Variants in TMEM63A observed in about 807,000 individuals in gnomAD.
TMEM63A encodes transmembrane protein 63A.
In TMEM63A, 76 loss-of-function variants were observed where a neutral mutation model predicts 100.6. That is an observed-to-expected ratio of 0.76 (90% CI 0.63 to 0.91). The LOEUF is 0.91. TMEM63A is among the 40% of genes least tolerant of loss of function. TMEM63A has a pLI of 0.00. For synonymous variants in TMEM63A, 401 were observed against 401.1 expected, an observed-to-expected ratio of 1.00 and a Z score of 0.00; for missense variants, 876 against 1,008.8, an observed-to-expected ratio of 0.87 and a Z score of 1.78.
At chr1:225,866,287 A>T (rs182181385) in intron 9 of TMEM63A, 136 of 511,856 alleles carry the variant, frequency 2.7e-4, no homozygotes, top group African/African-American at 2.4e-3. Flanking sequence ...CAAGCCACAG[A>T]AGCTCCCCTC....
chr1:225,849,580 C>G (rs778571440), intron 21 of TMEM63A, among the ~76,000 whole-genome samples: 3 of 152,180 alleles, frequency 2.0e-5, no homozygotes, highest in Non-Finnish European at 2.9e-5. Flanking sequence ...GACAATTGAC[C>G]AGGCCTTCAC....
rs1669142860 is a variant in TMEM63A, at chr1:225,848,573, A to T, written c.2188-19T>A. On this transcript the variant is annotated intron_variant, in intron 22 of 24. Transcript: ENST00000366835. ...CTTCTGTCTGCAGATAACAGCAAAA[A>T]CTTGCGATGATAAACAAAACTGATC... The T allele has an allele frequency of 6.2e-6, 10 of 1,613,720 alleles. No homozygotes were observed. In the East Asian group the frequency reaches 2.2e-4, roughly 36 times the overall value.
chr1:225,854,008 T>C (rs1669487568), intron 18 of TMEM63A, among the ~76,000 whole-genome samples: 1 of 152,174 alleles, frequency 6.6e-6, no homozygotes, highest in Non-Finnish European at 1.5e-5. Flanking sequence ...GTTCACATTC[T>C]AGCTGGGGGC....
chr1:225,845,034 C>A (rs1272013448), downstream of TMEM63A: 16 of 1,150,194 alleles, frequency 1.4e-5, no homozygotes, highest in Non-Finnish European at 1.9e-5. Flanking sequence ...CTTTATGGCT[C>A]CTTGTGGGTG....
chr1:225,845,201 A>G, downstream of TMEM63A: 1 of 1,614,086 alleles, frequency 6.2e-7, no homozygotes, highest in Non-Finnish European at 8.5e-7. Context: ...GCTATTGCAC[A>G]CGCCTGAAAA....
intron 20 of TMEM63A, among the ~76,000 whole-genome samples, chr1:225,850,885 A>G (rs774755698): frequency 1.4e-4 from 21 of 151,692 alleles, no homozygotes; most frequent in Admixed American, 2.6e-4. Flanking sequence ...CTAATTTTTT[A>G]TATTTTTAGT....
At chr1:225,877,279 G>T in intron 3 of TMEM63A, 116 bp downstream of exon 3, 1 of 1,204,312 alleles carries the variant, frequency 8.3e-7, no homozygotes, top group Non-Finnish European at 1.1e-6. Flanking sequence ...AAGCAGCAGA[G>T]TTGAGATTTA....
At chr1:225,880,200 C>T (rs1001839600) in intron 1 of TMEM63A, among the ~76,000 whole-genome samples, 6 of 152,162 alleles carry the variant, frequency 3.9e-5, no homozygotes, top group Non-Finnish European at 4.4e-5. Flanking sequence ...CTGCCCTCTC[C>T]GATGAGCACC....
intron 13 of TMEM63A, chr1:225,861,822 G>A (rs992366534): frequency 1.4e-5 from 3 of 218,670 alleles, no homozygotes; most frequent in Admixed American, 1.0e-4. Flanking sequence ...GGGAAGGTGG[G>A]GAGCCACAGA....
chr1:225,859,145 C>T (rs1669806386), intron 15 of TMEM63A, 51 bp downstream of exon 15: 1 of 1,612,364 alleles, frequency 6.2e-7, no homozygotes, highest in Non-Finnish European at 8.5e-7. Context: ...ACCCACCAAG[C>T]CCTCTTCTCA....
chr1:225,848,673 C>T (rs569832627), intron 22 of TMEM63A, 119 bp from the exon 23 acceptor site: 2 of 1,143,774 alleles, frequency 1.7e-6, no homozygotes, highest in South Asian at 1.4e-5. Context: ...ACCAAGCTCC[C>T]CAGCAGCCCG....
In TMEM63A at chr1:225,867,096, C is replaced by T. The variant is rs56112955; in HGVS notation, c.566+16G>A. The T allele has an allele frequency of 6.7e-3, 10,876 of 1,614,008 alleles. 628 individuals are homozygous for T. The African/African-American group carries it at 0.13, about 19-fold the overall frequency. On this transcript the variant is annotated intron_variant, in intron 8 of 24. Coordinates refer to ENST00000366835, the MANE Select transcript of TMEM63A (RefSeq NM_014698.3). The surrounding 1 kb of genome is among the most constrained non-coding windows in gnomAD (Gnocchi z 4.6). ...TCTCACCCATCAGCACCTATCCCCACGGGCTCCATACTCACTCAGTCTGTA... is the reference window on the plus strand; with the variant it reads ...TCTCACCCATCAGCACCTATCCCCATGGGCTCCATACTCACTCAGTCTGTA...
intron 15 of TMEM63A, among the ~76,000 whole-genome samples, chr1:225,857,382 G>GC (rs961781495): frequency 1.5e-4 from 2 of 13,254 alleles, no homozygotes; most frequent in Non-Finnish European, 3.7e-4. Flanking sequence ...TGGCCGGCGG[G>GC]GCGGGGGGGG....
intron 15 of TMEM63A, 30 bp from the exon 16 acceptor site, chr1:225,857,047 C>T (rs1669658825): frequency 6.5e-7 from 1 of 1,540,266 alleles, no homozygotes; most frequent in African/African-American, 1.4e-5. Context: ...CAGAGAGAGT[C>T]ACAGGGGCCG....
intron 16 of TMEM63A, 66 bp downstream of exon 16, chr1:225,856,845 G>A: frequency 6.3e-7 from 1 of 1,585,294 alleles, no homozygotes; most frequent in Non-Finnish European, 8.6e-7. Flanking sequence ...GGGTTAGGGT[G>A]TGGACAAGGG....
intron 20 of TMEM63A, among the ~76,000 whole-genome samples, chr1:225,850,335 A>C (rs573589413): frequency 6.6e-6 from 1 of 152,144 alleles, no homozygotes; most frequent in Non-Finnish European, 1.5e-5. Context: ...AATTTAAGAT[A>C]AAGTTATAGG....
downstream of TMEM63A, chr1:225,844,571 C>CGCTTCTACA (rs771431022): frequency 2.8e-5 from 45 of 1,614,028 alleles, no homozygotes; most frequent in Non-Finnish European, 3.6e-5. Flanking sequence ...CTCCTCCCAG[C>CGCTTCTACA]GCTTCTACAA....
intron 4 of TMEM63A, among the ~76,000 whole-genome samples, chr1:225,872,862 T>A (rs1289924612): frequency 6.6e-6 from 1 of 151,812 alleles, no homozygotes; most frequent in Admixed American, 6.6e-5. Context: ...CCTGGCTAAT[T>A]TTTGTATTTT....
intron 18 of TMEM63A, among the ~76,000 whole-genome samples, chr1:225,854,821 G>A (rs1478580324): frequency 1.3e-5 from 2 of 152,188 alleles, no homozygotes; most frequent in Admixed American, 1.3e-4. Flanking sequence ...ACTGGGGGCT[G>A]AGCCTTCAGG....
Sources: allele counts gnomAD v4.1 joint callset (sites outside exome capture counted in the v4.1 genomes callset), GRCh38; gene constraint gnomAD v4.1.1; non-coding constraint Gnocchi (gnomAD v3.1); transcripts MANE v1.5; gene names NCBI Gene and HGNC (gene_info 2026-07-23, HGNC 2026-07-21).